CHD8: variants seen among roughly 807,000 people sequenced by gnomAD.
CHD8 encodes the protein chromodomain helicase DNA binding protein 8.
Under a neutral mutation model 279.2 loss-of-function variants are expected in CHD8, and 31 were observed. The observed-to-expected ratio is 0.11, with a 90% CI of 0.08 to 0.15. The LOEUF (loss-of-function observed/expected upper bound fraction) is 0.15. CHD8 is among the 10% of genes least tolerant of loss of function. The pLI, the probability that CHD8 is intolerant of heterozygous loss-of-function variation, is 1.00. For missense variants in CHD8, 2,146 were observed against 3,230.5 expected, an observed-to-expected ratio of 0.66 and a Z score of 8.14; for synonymous variants, 1,081 against 1,139.6, an observed-to-expected ratio of 0.95 and a Z score of 1.04.
chr14:21,431,446 C>G lies in CHD8; in HGVS notation c.198G>C (p.Leu66=). The G allele has an allele frequency of 6.5e-7, 1 of 1,537,174 alleles. No homozygotes were observed. Among genetic ancestry groups the G allele is most frequent in the Non-Finnish European group, 8.7e-7 (1 of 1,146,882 alleles). ...GAGCTGTTTCCTCTGGTGGAGGGAC[C>G]AGTTCACTTGCTGATGAATTCCCCA... ...GDVGNSSASE[L]VPPPEETAPT... Residue 66 remains leucine (L), a synonymous_variant, in exon 2 of 38, where the codon CTG becomes CTC. Coordinates refer to ENST00000646647, the MANE Select transcript of CHD8 (RefSeq NM_001170629.2).
At chr14:21,453,221 A>G (rs9322984) in intron 1 of CHD8, among the ~76,000 whole-genome samples, 117,988 of 151,386 alleles carry the variant, frequency 0.78, 46,582 homozygotes, top group Middle Eastern at 0.89. Context: ...TAGATACCCT[A>G]AAAGGTTTCA....
intron 36 of CHD8, 105 bp downstream of exon 36, chr14:21,391,358 G>C (rs1887529151): frequency 1.9e-6 from 2 of 1,044,814 alleles, no homozygotes; most frequent in East Asian, 5.1e-5. Flanking sequence ...CCCTTATCTT[G>C]CAGATACAGA....
At chr14:21,393,019 C>A in intron 33 of CHD8, 87 bp downstream of exon 33, 2 of 1,430,688 alleles carry the variant, frequency 1.4e-6, no homozygotes, top group African/African-American at 1.4e-5. Context: ...TTTTAAAAAT[C>A]CAGAACCATA....
chr14:21,427,747 T>C, intron 4 of CHD8, 122 bp downstream of exon 4: 1 of 1,524,856 alleles, frequency 6.6e-7, no homozygotes, highest in Non-Finnish European at 8.8e-7. Context: ...GAGCTTGCTC[T>C]TGCCCTTTGT....
chr14:21,427,546 G>A, intron 4 of CHD8: 1 of 1,288,036 alleles, frequency 7.8e-7, no homozygotes, highest in East Asian at 3.3e-5. Context: ...ATAGCAAGGA[G>A]CACTCACTTG....
Position 21,427,927 on chromosome 14 carries a change from TCTC to T in CHD8, c.1540_1542del (p.Glu514del), listed in dbSNP as rs1445061740. ...CCAGATGTTTTACTCTTCTTTGGCT[TCTC>T]CTCTTTCAGCCTCTCCCCAGCACTC... On this transcript the variant is annotated inframe_deletion, in exon 4 of 38. Coordinates refer to ENST00000646647, the MANE Select transcript of CHD8 (RefSeq NM_001170629.2). 3.1e-6 allele frequency: 5 copies of T among 1,613,950 alleles called. No individual in the cohort carries two copies. In the African/African-American group the frequency reaches 6.7e-5, roughly 22 times the overall value.
intron 1 of CHD8, among the ~76,000 whole-genome samples, chr14:21,452,857 G>A (rs990050207): frequency 2.6e-5 from 4 of 151,424 alleles, no homozygotes; most frequent in African/African-American, 4.9e-5. Context: ...GGTGGTGCGC[G>A]CCTGTAGTCC....
intron 4 of CHD8, chr14:21,427,285 C>T (rs547186486): frequency 2.1e-5 from 7 of 339,934 alleles, no homozygotes; most frequent in Non-Finnish European, 3.3e-5. Flanking sequence ...CTTGAGCTTG[C>T]TCTTGCCCGT....
intron 1 of CHD8, among the ~76,000 whole-genome samples, chr14:21,438,365 C>T (rs1889866681): frequency 1.3e-5 from 2 of 151,954 alleles, no homozygotes; most frequent in African/African-American, 2.4e-5. Flanking sequence ...CCAGCCAGGA[C>T]ACTGTTATTA....
Position 21,391,054 on chromosome 14 carries a change from C to T in CHD8, c.7075G>A (p.Asp2359Asn). 6.4e-7 allele frequency: 1 copy of T among 1,567,482 alleles called. No homozygotes were observed. The highest frequency in any genetic ancestry group is 8.7e-7 in the Non-Finnish European group (1 of 1,150,386). Residue 2359 changes from aspartate to asparagine, a missense_variant, in exon 37 of 38, where the codon GAT (aspartate) becomes AAT (asparagine). Physicochemically the swap from Asp to Asn is conservative, Grantham distance 23 (BLOSUM62 1). Transcript: ENST00000646647. The stretch of plus-strand genomic sequence containing the variant: ...CTTTGCCACTTCTGTTTTCTGCGAT[C>T]CTCCATATACTGCAATAGAAAAAAT... ...VDPRFLAYME[D>N]RRKQKWQRCK... is the part of the protein sequence containing the mutation.
chr14:21,437,170 A>T, intron 1 of CHD8: 1 of 1,101,198 alleles, frequency 9.1e-7, no homozygotes, highest in Non-Finnish European at 1.2e-6. Flanking sequence ...GCCTCACCCC[A>T]GTGGAGGAGA....
At chr14:21,397,439 G>A (rs570203003) in intron 27 of CHD8, 1 of 497,892 alleles carries the variant, frequency 2.0e-6, no homozygotes. Context: ...TATGTGTCAG[G>A]TACCATTGGG....
chr14:21,426,295 G>T, intron 4 of CHD8, 53 bp from the exon 5 acceptor site: 1 of 919,810 alleles, frequency 1.1e-6, no homozygotes, highest in Non-Finnish European at 1.7e-6. Flanking sequence ...AAATTTAGGA[G>T]TAAAAAAACA....
In CHD8 at chr14:21,405,500, A is replaced by C. The variant is rs1293392473; in HGVS notation, c.3052-36T>G. On this transcript the variant is annotated intron_variant, in intron 15 of 37. Coordinates refer to ENST00000646647, the MANE Select transcript of CHD8 (RefSeq NM_001170629.2). This position sits in a 1 kb window ranked among gnomAD's most constrained non-coding sequence, Gnocchi z 4.2. ...TTACAGAGAGAAAAATAAATCAATAAGATGAGGGCGAACATTCTCACATTA... is the reference window on the plus strand; with the variant it reads ...TTACAGAGAGAAAAATAAATCAATACGATGAGGGCGAACATTCTCACATTA... 6 of 1,589,310 alleles carry C rather than the reference A, an allele frequency of 3.8e-6. 1 individual carries two copies. In the South Asian group the frequency reaches 6.8e-5, roughly 18 times the overall value.
In CHD8 at chr14:21,385,999, G is replaced by C. The variant is rs1198447948; in HGVS notation, c.7360C>G (p.Leu2454Val). 6.3e-7 allele frequency: 1 copy of C among 1,588,038 alleles called. No homozygotes were observed. The highest frequency in any genetic ancestry group is 2.3e-5 in the East Asian group (1 of 43,892). Residue 2454 changes from leucine to valine, a missense_variant, in exon 38 of 38, where the codon CTA becomes GTA. This residue lies in a region of CHD8 where 336 missense variants were observed against 392.9 expected (regional missense o/e 0.86). Transcript: ENST00000646647. ...TGACCCAAAGATGACACAGACTGTA[G>C]GCCACTACTGCTGTGTTGGAACGTG... ...HNTFQHSSSG[L>V]QSVSSLGHSS...
chr14:21,410,998 T>G (rs61973173), intron 10 of CHD8, among the ~76,000 whole-genome samples: 10,895 of 152,030 alleles, frequency 0.072, 836 homozygotes, highest in African/African-American at 0.2. Context: ...TTTGCAGAGG[T>G]GGGGAAAATG....
intron 1 of CHD8, among the ~76,000 whole-genome samples, chr14:21,443,260 G>A (rs1890029496): frequency 3.3e-5 from 5 of 151,662 alleles, no homozygotes; most frequent in Non-Finnish European, 2.9e-5. Context: ...GTGTGGTGGC[G>A]GGCACCTATA....
intron 2 of CHD8, chr14:21,429,618 G>A: frequency 2.0e-6 from 1 of 492,132 alleles, no homozygotes; most frequent in South Asian, 1.8e-5. Flanking sequence ...TCCAACCTGG[G>A]CCAATTCATC....
At position 21,402,381 on chromosome 14, in the gene CHD8, C is replaced by T; in HGVS notation, c.3837G>A (p.Lys1279=). The T allele has an allele frequency of 1.2e-6, 2 of 1,614,070 alleles. No homozygotes were observed. The highest frequency in any genetic ancestry group is 1.7e-6 in the Non-Finnish European group (2 of 1,179,938). The change falls in exon 19 of 38, where the codon AAG becomes AAA. Residue 1279 remains lysine, a synonymous_variant. Transcript: ENST00000646647. This position sits in a 1 kb window ranked among gnomAD's most constrained non-coding sequence, Gnocchi z 4.5. ...GACCACTCATGGATTGAAGCACAGC[C>T]TTATCCAACCCCAACTTGAGGCTGG... The part of the protein sequence containing the change: ...DKASLKLGLD[K]AVLQSMSGRD...
Sources: allele counts gnomAD v4.1 joint callset (sites outside exome capture counted in the v4.1 genomes callset), GRCh38; gene constraint gnomAD v4.1.1; regional missense constraint gnomAD v4.1.1; non-coding constraint Gnocchi (gnomAD v3.1); transcripts MANE v1.5; gene names NCBI Gene and HGNC (gene_info 2026-07-23, HGNC 2026-07-21).